The following SRPK2 variants were observed in gnomAD, a reference collection of about 807,000 sequenced individuals.
The protein encoded by SRPK2 is SFRS protein kinase 2.
SRPK2 carries 21 observed loss-of-function variants against 90.8 expected under a neutral mutation model. The ratio of observed to expected loss-of-function variants is 0.23; its 90% CI spans 0.16 to 0.33. The LOEUF (loss-of-function observed/expected upper bound fraction) is 0.33, where lower values mean the gene tolerates loss of function less well. Ranked by LOEUF, SRPK2 falls within the 10% of genes least tolerant of loss-of-function variation. The pLI is 1.00. For missense variants in SRPK2, 620 were observed against 869.0 expected (o/e 0.71, Z 3.60); for synonymous variants, 288 against 311.1 (o/e 0.93, Z 0.78).
At chr7:105,121,520 T>C (rs1344632988) in intron 15 of SRPK2, among the ~76,000 whole-genome samples, 1 of 152,224 alleles carries the variant, frequency 6.6e-6, no homozygotes, top group African/African-American at 2.4e-5. Flanking sequence ...GGAATATCAC[T>C]TCACCCTTCC....
At chr7:105,361,168 C>T (rs575761755) in intron 2 of SRPK2, among the ~76,000 whole-genome samples, 2 of 152,286 alleles carry the variant, frequency 1.3e-5, no homozygotes, top group African/African-American at 4.8e-5. Flanking sequence ...CATTCTTATA[C>T]ACCTATATAC....
At chr7:105,256,682 T>C (rs1197581276) in intron 2 of SRPK2, among the ~76,000 whole-genome samples, 1 of 152,040 alleles carries the variant, frequency 6.6e-6, no homozygotes, top group Non-Finnish European at 1.5e-5. Flanking sequence ...AATGAAGAGA[T>C]TTGACATAAA....
In SRPK2 at chr7:105,121,335, ACT is replaced by A. The variant is rs1156383652; in HGVS notation, c.1916-3315_1916-3314del. The stretch of plus-strand genomic sequence containing the variant: ...ACTCCAGCCTAGGCAACAGAGTGAG[ACT>A]CTGTCTCAAAAAAAGGAAAAAAGAA... On this transcript the variant is annotated intron_variant, in intron 15 of 15. Coordinates refer to ENST00000393651, the MANE Select transcript of SRPK2 (RefSeq NM_182692.3). Among the ~76,000 whole-genome samples the A allele has an allele frequency of 4.0e-5, 6 of 151,126 alleles. No homozygotes were observed. The South Asian group carries it at 8.3e-4, about 21-fold the overall frequency.
At chr7:105,266,860 A>G (rs1441363774) in intron 2 of SRPK2, among the ~76,000 whole-genome samples, 1 of 152,174 alleles carries the variant, frequency 6.6e-6, no homozygotes, top group East Asian at 1.9e-4. Context: ...TTGACTGTTC[A>G]TTACCATATG....
At chr7:105,226,711 A>C (rs755235492) in intron 2 of SRPK2, among the ~76,000 whole-genome samples, 2 of 152,102 alleles carry the variant, frequency 1.3e-5, no homozygotes, top group Admixed American at 6.5e-5. Context: ...AGGATAAGAC[A>C]GTGTAGATCT....
At chr7:105,175,066 C>G (rs1312196169) in intron 3 of SRPK2, among the ~76,000 whole-genome samples, 1 of 151,450 alleles carries the variant, frequency 6.6e-6, no homozygotes. Context: ...CTCTTGAACC[C>G]AGGAGGCAGA....
intron 2 of SRPK2, among the ~76,000 whole-genome samples, chr7:105,380,121 A>G (rs1820771494): frequency 6.6e-6 from 1 of 152,212 alleles, no homozygotes; most frequent in African/African-American, 2.4e-5. Flanking sequence ...AAAAAAGAAA[A>G]TTAAAATTAA....
chr7:105,219,084 G>C (rs903272347), intron 2 of SRPK2, among the ~76,000 whole-genome samples: 4 of 152,042 alleles, frequency 2.6e-5, no homozygotes, highest in Non-Finnish European at 5.9e-5. Flanking sequence ...AACCAGGGGC[G>C]GGGGAGACAT....
At position 105,172,628 on chromosome 7, in the gene SRPK2, C is replaced by T. The variant is rs576898737; in HGVS notation, c.230-3363G>A. ...AGTAGATGGTATTATTTCTACAATG[C>T]TACAGAGAACACCAAGTATCATAGA... On this transcript the variant is annotated intron_variant, in intron 3 of 15. Transcript: ENST00000393651. Among the ~76,000 whole-genome samples the T allele has an allele frequency of 2.6e-5, 4 of 152,286 alleles. No homozygotes were observed. In the South Asian group the frequency reaches 6.2e-4, roughly 24 times the overall value.
rs2129628055 is a variant in SRPK2, at chr7:105,246,051, A to C, written c.72-42266T>G. On this transcript the variant is annotated intron_variant, in intron 2 of 15. Transcript: ENST00000393651. ...GGCTCTAGCAGCTGCTGCAAAAAGA[A>C]AAGCTGGAAGGTTACATCGGCAAAA... Among the ~76,000 whole-genome samples the C allele has an allele frequency of 1.3e-5, 2 of 152,338 alleles. 1 individual carries two copies. Among genetic ancestry groups the C allele is most frequent in the South Asian group, 4.1e-4 (2 of 4,824 alleles).
chr7:105,338,085 A>AC (rs1815318920), intron 2 of SRPK2, among the ~76,000 whole-genome samples: 1 of 148,972 alleles, frequency 6.7e-6, no homozygotes, highest in Admixed American at 6.7e-5. Context: ...AATATTAAAA[A>AC]AAAAAAAAAC....
chr7:105,185,798 C>T (rs183853408), intron 3 of SRPK2, among the ~76,000 whole-genome samples: 23 of 152,288 alleles, frequency 1.5e-4, no homozygotes, highest in Admixed American at 1.3e-3. Flanking sequence ...AAGTCTAACT[C>T]ATGCACCAAC....
At chr7:105,178,477 A>G (rs918736609) in intron 3 of SRPK2, among the ~76,000 whole-genome samples, 3 of 152,220 alleles carry the variant, frequency 2.0e-5, no homozygotes, top group Non-Finnish European at 2.9e-5. Flanking sequence ...GAAAAACCAG[A>G]GCAAAGGCTA....
At chr7:105,176,621 G>GTGTGTGTA (rs148629862) in intron 3 of SRPK2, among the ~76,000 whole-genome samples, 2 of 147,554 alleles carry the variant, frequency 1.4e-5, no homozygotes, top group African/African-American at 5.1e-5. Flanking sequence ...ATACGTGTGT[G>GTGTGTGTA]TATATATATA....
At position 105,117,558 on chromosome 7, in the gene SRPK2, AT is replaced by A; in HGVS notation, c.*279del. 1 of 378,100 alleles carries A rather than the reference AT, an allele frequency of 2.6e-6. No individual in the cohort carries two copies. The highest frequency in any genetic ancestry group is 4.7e-6 in the Non-Finnish European group (1 of 212,074). 23.4% of individuals were successfully genotyped at this position (378,100 alleles called of 1,614,324 possible). A position where few individuals can be genotyped will look rare whatever the true frequency, so the allele number is the denominator to read the frequency against. ...AGTATTTTTCATTCAAAAAAATGACATTTGAATGTCACACAACACAAGAAAC... is the reference window on the plus strand; with the variant it reads ...AGTATTTTTCATTCAAAAAAATGACATTGAATGTCACACAACACAAGAAAC... On this transcript the variant is annotated 3_prime_UTR_variant, in exon 16 of 16. Coordinates refer to ENST00000393651, the MANE Select transcript of SRPK2 (RefSeq NM_182692.3).
At chr7:105,188,235 A>G (rs1329953881) in intron 3 of SRPK2, among the ~76,000 whole-genome samples, 1 of 152,252 alleles carries the variant, frequency 6.6e-6, no homozygotes, top group Admixed American at 6.5e-5. Flanking sequence ...TAAGTAAAAG[A>G]AGCCAAACAC....
intron 2 of SRPK2, among the ~76,000 whole-genome samples, chr7:105,240,495 A>T (rs1463113949): frequency 6.6e-6 from 1 of 152,216 alleles, no homozygotes; most frequent in Non-Finnish European, 1.5e-5. Flanking sequence ...GAGTCCTAAG[A>T]ATATAGAAGA....
In SRPK2 at chr7:105,380,506, A is replaced by C. The variant is rs1047438081; in HGVS notation, c.71+8142T>G. Among the ~76,000 whole-genome samples, 10 of 149,910 alleles carry C rather than the reference A, an allele frequency of 6.7e-5. No homozygotes were observed. In the East Asian group the frequency reaches 9.8e-4, roughly 15 times the overall value. On this transcript the variant is annotated intron_variant, in intron 2 of 15. Transcript: ENST00000393651. Reference sequence around the variant, plus strand: ...CACACCAAAACAATTAGATACCCTAAATTAACATGCTAAAATTTTTTTTTT... The same window carrying C: ...CACACCAAAACAATTAGATACCCTACATTAACATGCTAAAATTTTTTTTTT...
At chr7:105,143,012 T>C (rs958483050) in intron 10 of SRPK2, 72 bp downstream of exon 10, 4 of 1,548,834 alleles carry the variant, frequency 2.6e-6, no homozygotes, top group African/African-American at 2.8e-5. Flanking sequence ...TCAGCCCCCA[T>C]GTTGACCTGG....
Sources: allele counts gnomAD v4.1 joint callset (sites outside exome capture counted in the v4.1 genomes callset), GRCh38; gene constraint gnomAD v4.1.1; transcripts MANE v1.5; gene names NCBI Gene and HGNC (gene_info 2026-07-23, HGNC 2026-07-21).